Variants in RPS6KC1 observed in about 807,000 individuals in gnomAD.
RPS6KC1 encodes the protein inactive ribosomal protein S6 kinase delta-1.
A neutral mutation model predicts 103.8 loss-of-function variants in RPS6KC1; 54 were observed. That is an observed-to-expected ratio of 0.52 (90% CI 0.42 to 0.65). RPS6KC1 has a LOEUF of 0.65. Among genes scored for constraint, RPS6KC1 ranks in the 30% least tolerant of loss-of-function variants. The pLI, the probability that RPS6KC1 is intolerant of heterozygous loss-of-function variation, is 0.00. For synonymous variants in RPS6KC1, 439 were observed against 438.7 expected (o/e 1.00, Z -0.01); for missense variants, 1,151 against 1,253.8 (o/e 0.92, Z 1.24).
chr1:213,295,750 A>T, the RPS6KC1 span, among the ~76,000 whole-genome samples: 1 of 152,138 alleles, frequency 6.6e-6, no homozygotes, highest in Admixed American at 6.5e-5. Context: ...CATTATAAGG[A>T]TATATTGTCC....
At chr1:213,762,915 G>A in the RPS6KC1 span, among the ~76,000 whole-genome samples, 1 of 150,620 alleles carries the variant, frequency 6.6e-6, no homozygotes, top group Non-Finnish European at 1.5e-5. Flanking sequence ...AGACTGGAGT[G>A]CAGTGGCATG....
intron 6 of RPS6KC1, among the ~76,000 whole-genome samples, chr1:213,149,681 T>G (rs1572846253): frequency 6.6e-6 from 1 of 151,854 alleles, no homozygotes. Context: ...TAGTGTAGAT[T>G]AAGCCTGATG....
At chr1:213,219,114 C>G (rs906088685) in intron 8 of RPS6KC1, among the ~76,000 whole-genome samples, 1 of 152,212 alleles carries the variant, frequency 6.6e-6, no homozygotes, top group Non-Finnish European at 1.5e-5. Context: ...ATCTACTTAT[C>G]TGACAAAGGG....
chr1:213,728,508 C>T, the RPS6KC1 span, among the ~76,000 whole-genome samples: 1 of 152,242 alleles, frequency 6.6e-6, no homozygotes, highest in Non-Finnish European at 1.5e-5. Context: ...CCAGCCCTAC[C>T]CGCTACAGGA....
intron 5 of RPS6KC1, among the ~76,000 whole-genome samples, chr1:213,119,075 C>G (rs1470988154): frequency 6.6e-6 from 1 of 151,992 alleles, no homozygotes; most frequent in Admixed American, 6.6e-5. Flanking sequence ...AGTTTCCCTA[C>G]TCCTGAGAAA....
the RPS6KC1 span, among the ~76,000 whole-genome samples, chr1:213,769,492 GGAGA>G: frequency 2.2e-5 from 3 of 135,618 alleles, no homozygotes; most frequent in Non-Finnish European, 3.1e-5. Context: ...AACTCCACCT[GGAGA>G]GAGAGAGAGA....
At chr1:213,761,869 A>G in the RPS6KC1 span, among the ~76,000 whole-genome samples, 3 of 152,168 alleles carry the variant, frequency 2.0e-5, no homozygotes, top group Admixed American at 2.0e-4. Context: ...TATTAGAGGG[A>G]TGGAACCATG....
chr1:213,521,442 T>C, the RPS6KC1 span, among the ~76,000 whole-genome samples: 1 of 152,182 alleles, frequency 6.6e-6, no homozygotes, highest in Non-Finnish European at 1.5e-5. Flanking sequence ...TGATGACTGA[T>C]CAGGATGGTG....
chr1:213,602,142 CTTTCTT>C, the RPS6KC1 span, among the ~76,000 whole-genome samples: 8 of 64,912 alleles, frequency 1.2e-4, no homozygotes, highest in Non-Finnish European at 2.1e-4. Flanking sequence ...TTCTTTCTTT[CTTTCTT>C]TCTTTCTTTC....
At chr1:213,586,497 C>A in the RPS6KC1 span, among the ~76,000 whole-genome samples, 4 of 152,222 alleles carry the variant, frequency 2.6e-5, no homozygotes, top group African/African-American at 4.8e-5. Context: ...AAAATGTCCT[C>A]TTTTGTAATC....
In RPS6KC1 at chr1:213,241,249, T is replaced by A; in HGVS notation, c.1773T>A (p.Ser591Arg). 1 of 1,613,850 alleles carries A rather than the reference T, an allele frequency of 6.2e-7. No homozygotes were observed. The highest frequency in any genetic ancestry group is 1.1e-5 in the South Asian group (1 of 91,068). Residue 591 changes from serine (S) to arginine (R), a missense_variant, in exon 11 of 15, where the codon AGT becomes AGA. Physicochemically the swap from Ser to Arg is moderately radical, Grantham distance 110. This residue lies in a region of RPS6KC1 where 959 missense variants were observed against 1,006.3 expected (regional missense o/e 0.95). Transcript: ENST00000366960. ...CTCCAAGAACATCAGATTCCCTCAG[T>A]AGATCAAAAAATAGCCCCATGGAAT... ...VSSPRTSDSL[S>R]RSKNSPMEFF...
chr1:213,591,228 C>T, the RPS6KC1 span, among the ~76,000 whole-genome samples: 1 of 152,170 alleles, frequency 6.6e-6, no homozygotes, highest in Non-Finnish European at 1.5e-5. Context: ...TCTTCTCTGC[C>T]CCTACTCTGC....
the RPS6KC1 span, among the ~76,000 whole-genome samples, chr1:213,499,436 G>A: frequency 1.3e-5 from 2 of 152,160 alleles, no homozygotes; most frequent in Non-Finnish European, 2.9e-5. Context: ...GGGAAGTTGG[G>A]GGATGGTTTT....
At chr1:213,145,156 CA>C (rs2087593762) in intron 6 of RPS6KC1, among the ~76,000 whole-genome samples, 1 of 152,080 alleles carries the variant, frequency 6.6e-6, no homozygotes, top group African/African-American at 2.4e-5. Flanking sequence ...ATATATTTAA[CA>C]ATGATTTTCG....
At chr1:213,529,000 G>A in the RPS6KC1 span, among the ~76,000 whole-genome samples, 139 of 152,298 alleles carry the variant, frequency 9.1e-4, no homozygotes, top group Non-Finnish European at 1.5e-3. Flanking sequence ...ATACGGAAGA[G>A]TTTTGACTAT....
chr1:213,139,877 A>G (rs939385905), intron 6 of RPS6KC1, among the ~76,000 whole-genome samples: 3 of 152,070 alleles, frequency 2.0e-5, no homozygotes, highest in African/African-American at 7.2e-5. Context: ...TATTCTGTGA[A>G]AAAATGTCAT....
At chr1:213,467,199 G>A in the RPS6KC1 span, among the ~76,000 whole-genome samples, 2 of 152,176 alleles carry the variant, frequency 1.3e-5, no homozygotes, top group African/African-American at 2.4e-5. Flanking sequence ...ACATATGGAA[G>A]GAATCAATAT....
At chr1:213,413,537 GT>G in the RPS6KC1 span, among the ~76,000 whole-genome samples, 1,625 of 152,264 alleles carry the variant, frequency 0.011, 30 homozygotes, top group African/African-American at 0.037. Context: ...CACCAAAATA[GT>G]TCACTCATGT....
At chr1:213,800,261 T>C in the RPS6KC1 span, among the ~76,000 whole-genome samples, 1 of 152,184 alleles carries the variant, frequency 6.6e-6, no homozygotes, top group African/African-American at 2.4e-5. Flanking sequence ...ATTGATGGTG[T>C]TCGAGAAGAG....
Sources: gnomAD v4.1 joint callset for allele counts (sites outside exome capture counted in the v4.1 genomes callset) on GRCh38, gnomAD v4.1.1 for gene constraint, gnomAD v4.1.1 regional missense constraint, MANE v1.5 for transcripts, NCBI Gene and HGNC (gene_info 2026-07-23, HGNC 2026-07-21) for gene names.